The following EDN1 variants were observed in gnomAD, a reference collection of about 807,000 sequenced individuals.
The protein encoded by EDN1 is endothelin-1.
Under a neutral mutation model 21.7 loss-of-function variants are expected in EDN1, and 11 were observed. That is an observed-to-expected ratio of 0.51 (90% CI 0.32 to 0.84). EDN1 has a LOEUF of 0.84. Ranked by LOEUF, EDN1 falls within the 40% of genes least tolerant of loss-of-function variation. The pLI is 0.03. For missense variants in EDN1, 244 were observed against 262.3 expected, an observed-to-expected ratio of 0.93 and a Z score of 0.48; for synonymous variants, 85 against 90.6, an observed-to-expected ratio of 0.94 and a Z score of 0.35.
Position 12,296,129 on chromosome 6 carries a change from A to C in EDN1, c.*62A>C. ...CGGAGAGCCCTGTGGCCGACTCTGC[A>C]CTCTCCACCCTGGCTGGGATCAGAG... is the stretch of plus-strand genomic sequence containing the variant. On this transcript the variant is annotated 3_prime_UTR_variant, in exon 5 of 5. Transcript: ENST00000379375. 1 of 1,429,100 alleles carries C rather than the reference A, an allele frequency of 7.0e-7. No individual in the cohort carries two copies. Among genetic ancestry groups the C allele is most frequent in the Non-Finnish European group, 9.9e-7 (1 of 1,012,736 alleles). The allele number at this position is 1,429,100 out of a possible 1,614,324, so 88.5% of individuals were successfully genotyped here. A position where few individuals can be genotyped will look rare whatever the true frequency, so the allele number is the denominator to read the frequency against.
At chr6:12,287,356 C>T (rs532132679), upstream of EDN1, among the ~76,000 whole-genome samples, 34 of 152,140 alleles carry the variant, frequency 2.2e-4, no homozygotes, top group Middle Eastern at 3.4e-3. Flanking sequence ...TAGTTCTTCT[C>T]CCCGCATCTC....
rs1422191247 is a variant in EDN1, at chr6:12,296,067, A to G, written c.639A>G (p.Ter213TrpextTer10). The change falls in exon 5 of 5, where the codon TGA becomes TGG. Residue 213 changes from the stop codon to tryptophan, a stop_lost. Coordinates refer to ENST00000379375, the MANE Select transcript of EDN1 (RefSeq NM_001955.5). ...RYVTHNRAHW[*>W] ...TGACCCACAACCGAGCACATTGGTG[A>G]CAGACCTTCGGGGCCTGTCTGAAGC... The G allele has an allele frequency of 6.2e-7, 1 of 1,613,794 alleles. No homozygotes were observed. Among genetic ancestry groups the G allele is most frequent in the East Asian group, 2.2e-5 (1 of 44,858 alleles).
chr6:12,269,900 T>G, the EDN1 span, among the ~76,000 whole-genome samples: 1 of 152,092 alleles, frequency 6.6e-6, no homozygotes, highest in Non-Finnish European at 1.5e-5. Flanking sequence ...TTAAAAAAAA[T>G]GTTTGGTATA....
upstream of EDN1, among the ~76,000 whole-genome samples, chr6:12,285,942 T>C (rs1350680491): frequency 6.6e-6 from 1 of 152,240 alleles, no homozygotes; most frequent in Non-Finnish European, 1.5e-5. Flanking sequence ...CATGTAGTTT[T>C]TTTAACCATA....
In EDN1 at chr6:12,292,500, A is replaced by G. The variant is rs746943183; in HGVS notation, c.224A>G (p.Asn75Ser). The G allele has an allele frequency of 6.2e-7, 1 of 1,614,228 alleles. No homozygotes were observed. The highest frequency in any genetic ancestry group is 8.5e-7 in the Non-Finnish European group (1 of 1,180,032). Reference protein sequence around the residue: ...YFCHLDIIWVNTPEHVVPYGL... With the variant: ...YFCHLDIIWVSTPEHVVPYGL... ...TGCCACCTGGACATCATTTGGGTCA[A>G]CACTCCCGAGTAAGTCTCTAGAGGG... Residue 75 changes from asparagine (N) to serine (S), a missense_variant, in exon 2 of 5, where the codon AAC becomes AGC. Physicochemically the swap from Asn to Ser is conservative, Grantham distance 46. Coordinates refer to ENST00000379375, the MANE Select transcript of EDN1 (RefSeq NM_001955.5).
chr6:12,273,720 C>T, the EDN1 span, among the ~76,000 whole-genome samples: 1 of 149,748 alleles, frequency 6.7e-6, no homozygotes, highest in African/African-American at 2.5e-5. Context: ...ATTCATCTGA[C>T]CATAGGAAAG....
chr6:12,265,170 T>C, the EDN1 span, among the ~76,000 whole-genome samples: 2 of 152,230 alleles, frequency 1.3e-5, no homozygotes. Context: ...GGAGGTCTTG[T>C]TGTTAGCTTT....
At chr6:12,250,261 A>G in the EDN1 span, among the ~76,000 whole-genome samples, 1 of 151,802 alleles carries the variant, frequency 6.6e-6, no homozygotes, top group South Asian at 2.1e-4. Context: ...AAAAAGATGC[A>G]CTTTTTTGTA....
the EDN1 span, among the ~76,000 whole-genome samples, chr6:12,277,364 C>T: frequency 2.0e-5 from 3 of 152,172 alleles, no homozygotes; most frequent in Non-Finnish European, 2.9e-5. Flanking sequence ...GCACCAACTA[C>T]GCACCAGGTA....
the EDN1 span, among the ~76,000 whole-genome samples, chr6:12,266,780 A>G: frequency 6.6e-6 from 1 of 152,186 alleles, no homozygotes; most frequent in Non-Finnish European, 1.5e-5. Flanking sequence ...AGCATGACTC[A>G]TTCGTCAAAC....
At chr6:12,253,035 AG>A in the EDN1 span, among the ~76,000 whole-genome samples, 1 of 152,198 alleles carries the variant, frequency 6.6e-6, no homozygotes, top group South Asian at 2.1e-4. Flanking sequence ...ATAGGGGAAA[AG>A]TTTGTGACCA....
the EDN1 span, among the ~76,000 whole-genome samples, chr6:12,272,364 C>A: frequency 1.3e-5 from 2 of 151,438 alleles, no homozygotes; most frequent in Non-Finnish European, 2.9e-5. Context: ...ATAGGAAGAG[C>A]TGGAGTGAGG....
Position 12,290,669 on chromosome 6 carries a change from G to C in EDN1, c.40G>C (p.Ala14Pro). The C allele has an allele frequency of 6.2e-7, 1 of 1,614,136 alleles. No homozygotes were observed. Among genetic ancestry groups the C allele is most frequent in the African/African-American group, 1.3e-5 (1 of 75,020 alleles). The stretch of plus-strand genomic sequence containing the variant: ...CATGATTTTCTCTCTGCTGTTTGTG[G>C]CTTGCCAAGGAGCTCCAGAAACAGG... ...LLMIFSLLFV[A>P]CQGAPETAVL... Residue 14 changes from alanine (A) to proline (P), a missense_variant, in exon 1 of 5, where the codon GCT becomes CCT. By Grantham distance (27) the Ala-to-Pro change is conservative. Coordinates refer to ENST00000379375, the MANE Select transcript of EDN1 (RefSeq NM_001955.5).
At chr6:12,280,862 C>T in the EDN1 span, among the ~76,000 whole-genome samples, 1 of 152,184 alleles carries the variant, frequency 6.6e-6, no homozygotes, top group African/African-American at 2.4e-5. Context: ...CACTGCACTC[C>T]AGCCTGGGCA....
the EDN1 span, among the ~76,000 whole-genome samples, chr6:12,232,031 G>A: frequency 2.7e-5 from 4 of 149,736 alleles, no homozygotes; most frequent in Non-Finnish European, 5.9e-5. Context: ...ATTTTCCTAA[G>A]AGATACCAGT....
chr6:12,284,058 C>G, the EDN1 span, among the ~76,000 whole-genome samples: 5,365 of 152,148 alleles, frequency 0.035, 332 homozygotes, highest in African/African-American at 0.12. Flanking sequence ...TCTGTTAATC[C>G]TCCATCAGTC....
the EDN1 span, among the ~76,000 whole-genome samples, chr6:12,284,748 GAAGAAAGA>G: frequency 3.6e-3 from 282 of 78,516 alleles, no homozygotes; most frequent in Middle Eastern, 5.4e-3. Flanking sequence ...AGGAAGGAAG[GAAGAAAGA>G]AAGAAAGAAA....
the EDN1 span, among the ~76,000 whole-genome samples, chr6:12,278,378 T>C: frequency 6.6e-6 from 1 of 152,352 alleles, no homozygotes; most frequent in Non-Finnish European, 1.5e-5. Flanking sequence ...TTTCCTTTTA[T>C]TGAACTGTAT....
rs1762820175 is a variant in EDN1 at position 12,296,170 on chromosome 6, C to T, written c.*103C>T. On this transcript the variant is annotated 3_prime_UTR_variant, in exon 5 of 5. Coordinates refer to ENST00000379375, the MANE Select transcript of EDN1 (RefSeq NM_001955.5). The stretch of plus-strand genomic sequence containing the variant: ...GGGATCAGAGCAGGAGCATCCTCTG[C>T]TGGTTCCTGACTGGCAAAGGACCAG... The T allele has an allele frequency of 1.9e-6, 2 of 1,049,156 alleles. No homozygotes were observed. Among genetic ancestry groups the T allele is most frequent in the South Asian group, 2.5e-5 (2 of 79,298 alleles). The allele number at this position is 1,049,156 out of a possible 1,614,324, so 65.0% of individuals were successfully genotyped here.
Sources: gnomAD v4.1 joint callset for allele counts (sites outside exome capture counted in the v4.1 genomes callset) on GRCh38, gnomAD v4.1.1 for gene constraint, MANE v1.5 for transcripts, NCBI Gene and HGNC (gene_info 2026-07-23, HGNC 2026-07-21) for gene names.